Variants in SLC9A2 observed in about 807,000 individuals in gnomAD.
SLC9A2 encodes solute carrier family 9 member A2.
SLC9A2 carries 42 observed loss-of-function variants against 71.7 expected under a neutral mutation model. The ratio of observed to expected loss-of-function variants is 0.59; its 90% CI spans 0.46 to 0.76. SLC9A2 has a LOEUF of 0.76. SLC9A2 is among the 30% of genes least tolerant of loss of function. The pLI is 0.00. For missense variants in SLC9A2, 829 were observed against 1,017.4 expected (o/e 0.81, Z 2.52); for synonymous variants, 396 against 392.5 (o/e 1.01, Z -0.10).
At position 102,622,302 on chromosome 2, in the gene SLC9A2, G is replaced by A. The variant is rs6705240; in HGVS notation, c.289+2165G>A. 3.4e-3 allele frequency among the ~76,000 whole-genome samples: 517 copies of A among 152,164 alleles called. 4 individuals are homozygous for A. The highest frequency in any genetic ancestry group is 0.011 in the African/African-American group (477 of 41,538). On this transcript the variant is annotated intron_variant, in intron 1 of 11. Transcript: ENST00000233969. ...CACCCAGAAGCACACAAAGTGGCGA[G>A]CCAAAATGAATGACCTGTTCCCTGT...
In SLC9A2 at chr2:102,684,109, C is replaced by T. The variant is rs1366171606; in HGVS notation, c.1223-25C>T. 13 of 1,596,860 alleles carry T rather than the reference C, an allele frequency of 8.1e-6. No individual in the cohort carries two copies. In the African/African-American group the frequency reaches 1.6e-4, roughly 20 times the overall value. On this transcript the variant is annotated intron_variant, in intron 4 of 11. Transcript: ENST00000233969. The stretch of plus-strand genomic sequence containing the variant: ...TATTTTGGCCTCACCCAGTCTGTTT[C>T]CTCTTGGGTTTTCTTTCTTTGCAGG...
chr2:102,658,537 T>C (rs767843578), intron 2 of SLC9A2, among the ~76,000 whole-genome samples: 60 of 151,770 alleles, frequency 4.0e-4, no homozygotes, highest in Non-Finnish European at 6.2e-4. Flanking sequence ...TTAGTTATCA[T>C]GTTAATGATT....
At chr2:102,621,218 C>T (rs566535917) in intron 1 of SLC9A2, among the ~76,000 whole-genome samples, 1 of 151,680 alleles carries the variant, frequency 6.6e-6, no homozygotes, top group South Asian at 2.1e-4. Context: ...CATATGTATT[C>T]CCAGTTACTT....
chr2:102,620,422 C>T (rs1053454300), intron 1 of SLC9A2, among the ~76,000 whole-genome samples: 2 of 152,220 alleles, frequency 1.3e-5, no homozygotes, highest in Non-Finnish European at 2.9e-5. Context: ...AGTTTGTCAG[C>T]TCTCTGCTTA....
At chr2:102,673,155 T>G (rs1419637038) in intron 3 of SLC9A2, among the ~76,000 whole-genome samples, 1 of 152,166 alleles carries the variant, frequency 6.6e-6, no homozygotes, top group Non-Finnish European at 1.5e-5. Context: ...TAGTGTCTTC[T>G]GGTATTTATC....
At chr2:102,691,491 G>A (rs1048454179) in intron 5 of SLC9A2, among the ~76,000 whole-genome samples, 2 of 151,996 alleles carry the variant, frequency 1.3e-5, no homozygotes, top group Non-Finnish European at 2.9e-5. Flanking sequence ...GGCTTAATAT[G>A]GCATACACAG....
chr2:102,675,402 A>G (rs1333062337), intron 3 of SLC9A2, among the ~76,000 whole-genome samples: 3 of 152,168 alleles, frequency 2.0e-5, no homozygotes, highest in Admixed American at 2.0e-4. Context: ...ACACAATTGT[A>G]TTTCTGTTTT....
intron 1 of SLC9A2, among the ~76,000 whole-genome samples, chr2:102,623,160 A>G (rs1447651054): frequency 1.3e-5 from 2 of 152,042 alleles, no homozygotes; most frequent in Non-Finnish European, 2.9e-5. Context: ...AAATCATCAC[A>G]TATTGCACCT....
At chr2:102,701,745 C>A (rs1445343548) in intron 8 of SLC9A2, among the ~76,000 whole-genome samples, 5 of 152,070 alleles carry the variant, frequency 3.3e-5, no homozygotes, top group Admixed American at 3.3e-4. Context: ...ACTAAATAGA[C>A]TGTGAGAAGG....
At chr2:102,666,583 A>G (rs1241371178) in intron 3 of SLC9A2, among the ~76,000 whole-genome samples, 2 of 152,216 alleles carry the variant, frequency 1.3e-5, no homozygotes, top group Middle Eastern at 3.2e-3. Flanking sequence ...TTAGTGTCTC[A>G]TGCACTAACT....
chr2:102,642,998 T>A (rs768826640), intron 1 of SLC9A2, among the ~76,000 whole-genome samples: 10 of 152,152 alleles, frequency 6.6e-5, no homozygotes, highest in Non-Finnish European at 1.3e-4. Flanking sequence ...CATGTGTGTA[T>A]ATGGTTGCTC....
chr2:102,630,487 T>A (rs943367243), intron 1 of SLC9A2, among the ~76,000 whole-genome samples: 2 of 152,162 alleles, frequency 1.3e-5, no homozygotes, highest in Non-Finnish European at 2.9e-5. Flanking sequence ...TTAAGTTTTT[T>A]AAATTGTTTT....
chr2:102,657,943 T>C lies in SLC9A2; in HGVS notation c.669T>C (p.Leu223=), dbSNP rs1464830868. 1 of 1,614,214 alleles carries C rather than the reference T, an allele frequency of 6.2e-7. No homozygotes were observed. The highest frequency in any genetic ancestry group is 1.7e-5 in the Admixed American group (1 of 60,030). ...CAGCTGTCGATCCTGTGGCTGTGCT[T>C]GCTGTCTTTGAGAACATTCACGTCA... ...LISAVDPVAV[L]AVFENIHVNE... The change falls in exon 2 of 12, where the codon CTT becomes CTC. Residue 223 remains leucine, a synonymous_variant. Transcript: ENST00000233969.
chr2:102,697,454 T>C (rs1309403898), intron 7 of SLC9A2: 1 of 151,922 alleles, frequency 6.6e-6, no homozygotes, highest in Non-Finnish European at 1.5e-5. Context: ...CCAACCTTGC[T>C]CCATGCCTGA....
intron 1 of SLC9A2, among the ~76,000 whole-genome samples, chr2:102,623,659 T>C (rs1175265402): frequency 6.6e-6 from 1 of 152,234 alleles, no homozygotes; most frequent in Non-Finnish European, 1.5e-5. Flanking sequence ...AATTGAGCTG[T>C]GCAGGTGGAT....
chr2:102,708,059 G>A, intron 11 of SLC9A2, 60 bp from the exon 12 acceptor site: 1 of 1,551,712 alleles, frequency 6.4e-7, no homozygotes, highest in Non-Finnish European at 8.7e-7. Flanking sequence ...AGGTACTGAA[G>A]TTACTTGCAA....
At chr2:102,642,042 T>TA (rs1553424324) in intron 1 of SLC9A2, among the ~76,000 whole-genome samples, 2 of 149,696 alleles carry the variant, frequency 1.3e-5, no homozygotes, top group Non-Finnish European at 3.0e-5. Flanking sequence ...GAACTTAAAA[T>TA]ATAATAATAA....
At chr2:102,628,902 G>A (rs1456764510) in intron 1 of SLC9A2, among the ~76,000 whole-genome samples, 1 of 151,982 alleles carries the variant, frequency 6.6e-6, no homozygotes, top group Non-Finnish European at 1.5e-5. Context: ...GTATAATGCT[G>A]ATTTTTAGTG....
intron 1 of SLC9A2, among the ~76,000 whole-genome samples, chr2:102,631,226 G>A (rs1265320025): frequency 6.6e-6 from 1 of 151,952 alleles, no homozygotes; most frequent in Non-Finnish European, 1.5e-5. Flanking sequence ...AATTTCCCCT[G>A]GCTCAAAGCC....
Sources: gnomAD v4.1 joint callset for allele counts (sites outside exome capture counted in the v4.1 genomes callset) on GRCh38, gnomAD v4.1.1 for gene constraint, MANE v1.5 for transcripts, NCBI Gene and HGNC (gene_info 2026-07-23, HGNC 2026-07-21) for gene names.